VPS41: variants seen among roughly 807,000 people sequenced by gnomAD.
VPS41 encodes vacuolar protein sorting-associated protein 41 homolog.
Under a neutral mutation model 130.9 loss-of-function variants are expected in VPS41, and 85 were observed. That is an observed-to-expected ratio of 0.65 (90% CI 0.55 to 0.78). The LOEUF (loss-of-function observed/expected upper bound fraction) is 0.78. Ranked by LOEUF, VPS41 falls within the 30% of genes least tolerant of loss-of-function variation. The probability of loss-of-function intolerance (pLI) is 0.00; values close to 1 mark genes in which losing one functional copy is unlikely to be tolerated. For synonymous variants in VPS41, 335 were observed against 332.9 expected, an observed-to-expected ratio of 1.01 and a Z score of -0.07; for missense variants, 874 against 1,018.7, an observed-to-expected ratio of 0.86 and a Z score of 1.93.
chr7:38,867,897 G>C (rs1423936335), intron 3 of VPS41, among the ~76,000 whole-genome samples: 2 of 152,198 alleles, frequency 1.3e-5, no homozygotes, highest in African/African-American at 4.8e-5. Context: ...AACTGAAGAT[G>C]CTGGTAAGAT....
At chr7:38,822,348 C>A (rs1483762891) in intron 5 of VPS41, among the ~76,000 whole-genome samples, 2 of 152,180 alleles carry the variant, frequency 1.3e-5, no homozygotes, top group Non-Finnish European at 2.9e-5. Context: ...AAATAACACC[C>A]TCCAACTAAT....
At chr7:38,788,313 C>T (rs756982832) in intron 10 of VPS41, among the ~76,000 whole-genome samples, 13 of 152,168 alleles carry the variant, frequency 8.5e-5, no homozygotes, top group African/African-American at 2.4e-4. Context: ...CCATTTTTAA[C>T]GCTATAGTAG....
At chr7:38,776,450 A>G (rs2074657) in intron 11 of VPS41, among the ~76,000 whole-genome samples, 35,878 of 151,910 alleles carry the variant, frequency 0.24, 4,719 homozygotes, top group East Asian at 0.44. Context: ...AGAGAGGTCG[A>G]AAAAAAAGAC....
In VPS41 at chr7:38,796,770, T is replaced by C; in HGVS notation, c.545A>G (p.His182Arg). 6.2e-7 allele frequency: 1 copy of C among 1,613,954 alleles called. No individual in the cohort carries two copies. Among genetic ancestry groups the C allele is most frequent in the Non-Finnish European group, 8.5e-7 (1 of 1,179,882 alleles). The change falls in exon 8 of 29, where the codon CAT becomes CGT. Residue 182 changes from histidine (H) to arginine (R), a missense_variant. Physicochemically the swap from His to Arg is conservative, Grantham distance 29. Coordinates refer to ENST00000310301, the MANE Select transcript of VPS41 (RefSeq NM_014396.4). The part of the protein sequence containing the change: ...GNIRSVKWRG[H>R]LIAWANNMGV... ...CATATTATTGGCCCAAGCAATCAGA[T>C]GGCCTCTCCACTTCACACTCCTTAT...
chr7:38,765,660 T>C lies in VPS41; in HGVS notation c.1249A>G (p.Lys417Glu). The C allele has an allele frequency of 6.3e-7, 1 of 1,593,856 alleles. No individual in the cohort carries two copies. Among genetic ancestry groups the C allele is most frequent in the Non-Finnish European group, 8.5e-7 (1 of 1,173,384 alleles). The change falls in exon 16 of 29, where the codon AAA becomes GAA. Residue 417 changes from lysine to glutamate, a missense_variant and splice_region_variant. Lys to Glu is a moderately conservative substitution (Grantham distance 56, BLOSUM62 1). Transcript: ENST00000310301. ...TTTTTCCCAAGAATTTTCTGGCATTTGCTGGCAGTAAAAACATCCCAGGCA... is the reference window on the plus strand; with the variant it reads ...TTTTTCCCAAGAATTTTCTGGCATTCGCTGGCAGTAAAAACATCCCAGGCA... Reference protein sequence around the residue: ...ERGDYDIAARKCQKILGKNAA... With the variant: ...ERGDYDIAARECQKILGKNAA...
rs1785133038 is a variant in VPS41, at chr7:38,819,763, G to GT, written c.384+1439dup. Among the ~76,000 whole-genome samples the GT allele has an allele frequency of 2.6e-5, 4 of 152,222 alleles. No homozygotes were observed. The South Asian group carries it at 8.3e-4, about 32-fold the overall frequency. On this transcript the variant is annotated intron_variant, in intron 6 of 28. Transcript: ENST00000310301. The stretch of plus-strand genomic sequence containing the variant: ...CTGCTTCTTCTTAGACTCCTTTGCT[G>GT]TTTTTTCTTCCACAGCCTGAGTATT...
chr7:38,800,566 G>A (rs1449717646), intron 7 of VPS41, among the ~76,000 whole-genome samples: 1 of 152,190 alleles, frequency 6.6e-6, no homozygotes, highest in Non-Finnish European at 1.5e-5. Flanking sequence ...GGGTGCAGCG[G>A]CTCATGCCTG....
chr7:38,898,832 G>T (rs1584453426), intron 1 of VPS41, among the ~76,000 whole-genome samples: 1 of 152,188 alleles, frequency 6.6e-6, no homozygotes, highest in South Asian at 2.1e-4. Flanking sequence ...CCTCAAAGAG[G>T]TCAGCAAAAT....
chr7:38,814,129 T>C (rs1346616620), intron 7 of VPS41, among the ~76,000 whole-genome samples: 1 of 152,218 alleles, frequency 6.6e-6, no homozygotes, highest in East Asian at 1.9e-4. Flanking sequence ...ATCTACTCAA[T>C]GGACTCTGAC....
intron 7 of VPS41, among the ~76,000 whole-genome samples, chr7:38,803,366 A>C (rs1289564840): frequency 6.6e-6 from 1 of 152,188 alleles, no homozygotes; most frequent in Non-Finnish European, 1.5e-5. Flanking sequence ...TACTGACCAC[A>C]CTGCTAGCTT....
chr7:38,799,930 C>G, intron 7 of VPS41, among the ~76,000 whole-genome samples: 1 of 151,900 alleles, frequency 6.6e-6, no homozygotes, highest in South Asian at 2.1e-4. Context: ...GTGGGGGGTA[C>G]AGTGGAGTAT....
At chr7:38,854,696 A>G (rs912306409) in intron 4 of VPS41, among the ~76,000 whole-genome samples, 1 of 152,188 alleles carries the variant, frequency 6.6e-6, no homozygotes, top group Non-Finnish European at 1.5e-5. Flanking sequence ...ACTTCTATCA[A>G]TTTCTTATTT....
chr7:38,768,115 A>T (rs1784083272), intron 14 of VPS41, among the ~76,000 whole-genome samples: 2 of 152,200 alleles, frequency 1.3e-5, no homozygotes, highest in African/African-American at 2.4e-5. Context: ...CAAACCCATC[A>T]GTTTACAGAA....
At chr7:38,841,751 G>A (rs144773155) in intron 4 of VPS41, among the ~76,000 whole-genome samples, 2 of 152,288 alleles carry the variant, frequency 1.3e-5, no homozygotes, top group East Asian at 3.9e-4. Context: ...TTAGAGGCAT[G>A]CGCCACCACA....
chr7:38,885,562 C>T (rs1200806676), intron 2 of VPS41, among the ~76,000 whole-genome samples: 2 of 152,200 alleles, frequency 1.3e-5, no homozygotes, highest in Non-Finnish European at 2.9e-5. Context: ...GTTACTTCAG[C>T]ATAACCAGCC....
intron 4 of VPS41, among the ~76,000 whole-genome samples, chr7:38,854,891 A>G: frequency 6.7e-6 from 1 of 150,348 alleles, no homozygotes. Context: ...ACAAAGAAGG[A>G]GATGGTTAAG....
intron 17 of VPS41, among the ~76,000 whole-genome samples, chr7:38,760,199 T>G (rs564526104): frequency 2.0e-5 from 3 of 152,320 alleles, no homozygotes; most frequent in African/African-American, 4.8e-5. Flanking sequence ...GTTTACTTAC[T>G]GATCCTTGAC....
chr7:38,736,127 T>A lies in VPS41; in HGVS notation c.2259+5858A>T, dbSNP rs192891406. 3.1e-3 allele frequency among the ~76,000 whole-genome samples: 473 copies of A among 152,334 alleles called. 1 individual carries two copies. The highest frequency in any genetic ancestry group is 0.011 in the African/African-American group (437 of 41,572). On this transcript the variant is annotated intron_variant, in intron 25 of 28. Transcript: ENST00000310301. ...TAAATATGCAGCTGTATTCAATATGTAAAGAGATATTTATAAAACGCCTCT... is the reference window on the plus strand; with the variant it reads ...TAAATATGCAGCTGTATTCAATATGAAAAGAGATATTTATAAAACGCCTCT...
At chr7:38,777,022 T>C (rs1206280037) in intron 10 of VPS41, among the ~76,000 whole-genome samples, 18 of 152,186 alleles carry the variant, frequency 1.2e-4, no homozygotes, top group Admixed American at 1.2e-3. Context: ...CCAACAATAA[T>C]AGCAGCATGA....
Sources: gnomAD v4.1 joint callset for allele counts (sites outside exome capture counted in the v4.1 genomes callset) on GRCh38, gnomAD v4.1.1 for gene constraint, MANE v1.5 for transcripts, NCBI Gene and HGNC (gene_info 2026-07-23, HGNC 2026-07-21) for gene names.